The following TCF4 variants were observed in gnomAD, a reference collection of about 807,000 sequenced individuals.
TCF4 encodes transcription factor 4, also known as SL3-3 enhancer factor 2.
Under a neutral mutation model 82.1 loss-of-function variants are expected in TCF4, and 3 were observed. That is an observed-to-expected ratio of 0.04 (90% CI 0.02 to 0.09). The LOEUF is 0.09. Among genes scored for constraint, TCF4 ranks in the 10% least tolerant of loss-of-function variants. TCF4 has a pLI of 1.00. For synonymous variants in TCF4, 276 were observed against 309.6 expected (o/e 0.89, Z 1.14); for missense variants, 518 against 852.7 (o/e 0.61, Z 4.89).
chr18:55,493,580 G>A (rs535750376), intron 3 of TCF4, among the ~76,000 whole-genome samples: 1 of 152,188 alleles, frequency 6.6e-6, no homozygotes, highest in Non-Finnish European at 1.5e-5. Flanking sequence ...ATATAGTATA[G>A]GCTTCAATAT....
chr18:55,273,326 G>T (rs1181987687), intron 10 of TCF4, among the ~76,000 whole-genome samples: 6 of 152,014 alleles, frequency 3.9e-5, no homozygotes, highest in Admixed American at 3.3e-4. Flanking sequence ...TATCAACTTG[G>T]CCAAATTATA....
chr18:55,372,144 T>C (rs1032930448), intron 6 of TCF4, among the ~76,000 whole-genome samples: 9 of 152,100 alleles, frequency 5.9e-5, no homozygotes, highest in Admixed American at 5.9e-4. Context: ...TAAATGATAC[T>C]GGGTGTGTGT....
At chr18:55,621,136 A>AGG (rs2097717550) in intron 2 of TCF4, among the ~76,000 whole-genome samples, 2 of 151,766 alleles carry the variant, frequency 1.3e-5, no homozygotes, top group African/African-American at 2.4e-5. Context: ...TCTATCTTAC[A>AGG]TTTCTTCATA....
chr18:55,278,903 G>A lies in TCF4; in HGVS notation c.655+648C>T, dbSNP rs188681522. On this transcript the variant is annotated intron_variant, in intron 9 of 19. Transcript: ENST00000354452. ...TTTTTTGAGCAGCAGAAAGGTATAC[G>A]CTATCAGTAGCAAGACTACAAGCTC... 1.7e-3 allele frequency among the ~76,000 whole-genome samples: 255 copies of A among 152,234 alleles called. 1 individual carries two copies. Among genetic ancestry groups the A allele is most frequent in the Non-Finnish European group, 3.0e-3 (201 of 68,006 alleles).
intron 3 of TCF4, among the ~76,000 whole-genome samples, chr18:55,575,591 C>G (rs753058811): frequency 4.0e-5 from 6 of 151,648 alleles, no homozygotes; most frequent in African/African-American, 1.5e-4. Flanking sequence ...TTTTTTTACT[C>G]TATACCAAGC....
intron 3 of TCF4, among the ~76,000 whole-genome samples, chr18:55,489,151 T>C (rs934060861): frequency 4.6e-5 from 7 of 152,312 alleles, no homozygotes; most frequent in African/African-American, 1.7e-4. Flanking sequence ...TGAGAAGTAC[T>C]GGGGCATCAG....
chr18:55,510,680 G>A lies in TCF4; in HGVS notation c.146-46543C>T. The stretch of plus-strand genomic sequence containing the variant: ...TACTTCGTAAACTTTTAAAGTTTGT[G>A]AACTGAGACCTCCACTTTAAAAGGC... On this transcript the variant is annotated intron_variant, in intron 3 of 19. Transcript: ENST00000354452. The A allele has an allele frequency of 4.1e-6, 6 of 1,473,764 alleles. 1 individual carries two copies. The South Asian group carries it at 6.6e-5, about 16-fold the overall frequency. The allele number at this position is 1,473,764 out of a possible 1,614,324, so 91.3% of individuals were successfully genotyped here. A position where few individuals can be genotyped will look rare whatever the true frequency, so the allele number is the denominator to read the frequency against.
intron 2 of TCF4, among the ~76,000 whole-genome samples, chr18:55,619,720 C>G (rs1214177345): frequency 1.3e-5 from 2 of 152,066 alleles, no homozygotes; most frequent in Non-Finnish European, 1.5e-5. Flanking sequence ...TTCCTAATTA[C>G]TTGTTATATT....
intron 3 of TCF4, among the ~76,000 whole-genome samples, chr18:55,555,047 T>C (rs1351730660): frequency 6.6e-6 from 1 of 152,226 alleles, no homozygotes; most frequent in Non-Finnish European, 1.5e-5. Context: ...ACTTAGATTA[T>C]GTTTAAATAA....
intron 3 of TCF4, among the ~76,000 whole-genome samples, chr18:55,483,773 G>C (rs1053632211): frequency 6.6e-6 from 1 of 152,168 alleles, no homozygotes; most frequent in Non-Finnish European, 1.5e-5. Flanking sequence ...GGCATTCTGC[G>C]TCACTTACTT....
At chr18:55,262,766 C>A (rs998394582) in intron 11 of TCF4, among the ~76,000 whole-genome samples, 1 of 152,174 alleles carries the variant, frequency 6.6e-6, no homozygotes, top group East Asian at 1.9e-4. Context: ...CTAATTTATG[C>A]TTGTTATTTT....
intron 3 of TCF4, among the ~76,000 whole-genome samples, chr18:55,553,728 C>A (rs1190400806): frequency 6.6e-6 from 1 of 152,060 alleles, no homozygotes; most frequent in Non-Finnish European, 1.5e-5. Flanking sequence ...GTGAAGGTAG[C>A]GGCTGCTATA....
intron 16 of TCF4, 71 bp from the exon 17 acceptor site, chr18:55,232,742 G>A (rs2048255274): frequency 2.5e-6 from 4 of 1,573,002 alleles, no homozygotes; most frequent in Non-Finnish European, 3.5e-6. Flanking sequence ...TTGCAAGGCT[G>A]CCAGCAGACA....
Position 55,254,612 on chromosome 18 carries a change from G to A in TCF4, c.1235C>T (p.Pro412Leu), listed in dbSNP as rs2056305431. 1 of 1,613,640 alleles carries A rather than the reference G, an allele frequency of 6.2e-7. No individual in the cohort carries two copies. Among genetic ancestry groups the A allele is most frequent in the African/African-American group, 1.3e-5 (1 of 75,004 alleles). Residue 412 changes from proline to leucine, a missense_variant, in exon 15 of 20, where the codon CCT becomes CTT. Coordinates refer to ENST00000354452, the MANE Select transcript of TCF4 (RefSeq NM_001083962.2). Reference sequence around the variant, plus strand: ...TCCATGCATGTCCCCATGACCACCAGGCATAGCTGTGGATGGGCCCACTGC... The same window carrying A: ...TCCATGCATGTCCCCATGACCACCAAGCATAGCTGTGGATGGGCCCACTGC... ...NHAVGPSTAM[P>L]GGHGDMHGII...
rs1568245196 is a variant in TCF4, at chr18:55,222,904, G to A, written c.*5131C>T. On this transcript the variant is annotated 3_prime_UTR_variant, in exon 20 of 20. Transcript: ENST00000354452. ...TTTACATCTGGATTAATAGTCAACA[G>A]AGGCAACCAGAAGTGGTGGGGCGGA... The A allele has an allele frequency of 6.6e-6, 1 of 152,640 alleles. No individual in the cohort carries two copies. The highest frequency in any genetic ancestry group is 2.1e-4 in the South Asian group (1 of 4,834). 9.5% of individuals were successfully genotyped at this position (152,640 alleles called of 1,614,324 possible). A position where few individuals can be genotyped will look rare whatever the true frequency, so the allele number is the denominator to read the frequency against.
chr18:55,516,922 C>T (rs2096888233), intron 3 of TCF4, among the ~76,000 whole-genome samples: 2 of 152,142 alleles, frequency 1.3e-5, no homozygotes, highest in Non-Finnish European at 2.9e-5. Context: ...GGAGGAATAA[C>T]ATCTGAATTA....
At chr18:55,391,198 A>C (rs2093055750) in intron 6 of TCF4, among the ~76,000 whole-genome samples, 1 of 152,192 alleles carries the variant, frequency 6.6e-6, no homozygotes, top group African/African-American at 2.4e-5. Context: ...CAGTGTGACA[A>C]ACACAATTCA....
intron 6 of TCF4, among the ~76,000 whole-genome samples, chr18:55,370,669 C>T (rs902954384): frequency 1.3e-5 from 2 of 151,990 alleles, no homozygotes; most frequent in African/African-American, 4.8e-5. Flanking sequence ...ACTCTCCCCC[C>T]CAAAATTAGA....
chr18:55,271,272 T>G (rs2060303394), intron 10 of TCF4, among the ~76,000 whole-genome samples: 1 of 152,128 alleles, frequency 6.6e-6, no homozygotes, highest in Non-Finnish European at 1.5e-5. Flanking sequence ...GGCCTTTCAT[T>G]TCTTGCTTTT....
Sources: allele counts gnomAD v4.1 joint callset (sites outside exome capture counted in the v4.1 genomes callset), GRCh38; gene constraint gnomAD v4.1.1; transcripts MANE v1.5; gene names NCBI Gene and HGNC (gene_info 2026-07-23, HGNC 2026-07-21).